Variants in EPB41L5 observed in about 807,000 individuals in gnomAD.
EPB41L5 encodes the protein erythrocyte membrane protein band 4.1 like 5.
A neutral mutation model predicts 106.6 loss-of-function variants in EPB41L5; 55 were observed. The ratio of observed to expected loss-of-function variants is 0.52; its 90% confidence interval spans 0.42 to 0.65. The LOEUF is 0.65. EPB41L5 is among the 30% of genes least tolerant of loss of function. EPB41L5 has a pLI of 0.00. For missense variants in EPB41L5, 871 were observed against 882.1 expected (o/e 0.99, Z 0.16); for synonymous variants, 297 against 306.7 (o/e 0.97, Z 0.33).
chr2:120,137,442 A>G (rs992496210), intron 18 of EPB41L5, among the ~76,000 whole-genome samples: 4 of 152,050 alleles, frequency 2.6e-5, no homozygotes, highest in African/African-American at 9.7e-5. Context: ...GTGAAAAGAT[A>G]AACAAAATGG....
chr2:120,092,566 A>G (rs918823986), intron 13 of EPB41L5, among the ~76,000 whole-genome samples: 5 of 152,224 alleles, frequency 3.3e-5, no homozygotes, highest in Non-Finnish European at 7.3e-5. Flanking sequence ...ATGAATTTGC[A>G]TTAAAATGCA....
intron 3 of EPB41L5, among the ~76,000 whole-genome samples, chr2:120,058,582 G>A (rs1680818189): frequency 6.6e-6 from 1 of 152,164 alleles, no homozygotes; most frequent in Non-Finnish European, 1.5e-5. Flanking sequence ...GATTGGTGGA[G>A]GGGATGTGGT....
At chr2:120,045,744 T>A (rs890696164) in intron 3 of EPB41L5, among the ~76,000 whole-genome samples, 3 of 152,186 alleles carry the variant, frequency 2.0e-5, no homozygotes, top group Non-Finnish European at 4.4e-5. Context: ...TGTATACATG[T>A]GACATTGGTA....
At chr2:120,106,972 G>A (rs565108940) in intron 16 of EPB41L5, 100 of 866,138 alleles carry the variant, frequency 1.2e-4, no homozygotes, top group Admixed American at 1.9e-4. Flanking sequence ...CACTAATATT[G>A]TAATACCAGT....
At chr2:120,031,435 T>C (rs550590376) in intron 2 of EPB41L5, among the ~76,000 whole-genome samples, 20 of 152,170 alleles carry the variant, frequency 1.3e-4, no homozygotes, top group South Asian at 6.2e-4. Flanking sequence ...TGAAATAAAT[T>C]TGTTAGGTGG....
chr2:120,162,757 A>G (rs1031146369), intron 21 of EPB41L5, among the ~76,000 whole-genome samples: 1 of 152,250 alleles, frequency 6.6e-6, no homozygotes, highest in African/African-American at 2.4e-5. Flanking sequence ...GCTTAACTGC[A>G]TATAGTCTAG....
In EPB41L5 at chr2:120,039,546, C is replaced by T. The variant is rs1056193323; in HGVS notation, c.181-2460C>T. Among the ~76,000 whole-genome samples, 4 of 152,056 alleles carry T rather than the reference C, an allele frequency of 2.6e-5. No homozygotes were observed. The East Asian group carries it at 5.8e-4, about 22-fold the overall frequency. ...TTAGGCATTGAAAGTAATTTTGTGG[C>T]CAGGCGTGGTGGCTCACACCTGTAA... On this transcript the variant is annotated intron_variant, in intron 2 of 24. Coordinates refer to ENST00000263713, the MANE Select transcript of EPB41L5 (RefSeq NM_020909.4).
At chr2:120,092,495 C>G (rs1385351873) in intron 13 of EPB41L5, among the ~76,000 whole-genome samples, 2 of 152,122 alleles carry the variant, frequency 1.3e-5, no homozygotes, top group Non-Finnish European at 2.9e-5. Flanking sequence ...AGAAAAAGCA[C>G]TATTTACCTT....
intron 16 of EPB41L5, chr2:120,106,201 T>C: frequency 4.1e-6 from 4 of 985,388 alleles, no homozygotes; most frequent in Non-Finnish European, 4.8e-6. Flanking sequence ...ATTTGCGAAT[T>C]CCTGATGAGA....
intron 2 of EPB41L5, among the ~76,000 whole-genome samples, chr2:120,037,242 G>T (rs1679094037): frequency 6.6e-6 from 1 of 152,146 alleles, no homozygotes; most frequent in Non-Finnish European, 1.5e-5. Context: ...ATAAAACACT[G>T]CTGAGAGGAA....
chr2:120,168,942 A>G (rs549978578), intron 24 of EPB41L5, among the ~76,000 whole-genome samples: 2 of 152,352 alleles, frequency 1.3e-5, no homozygotes, highest in African/African-American at 4.8e-5. Flanking sequence ...AAGCATTTGT[A>G]TGCCTAATAA....
intron 3 of EPB41L5, among the ~76,000 whole-genome samples, chr2:120,044,859 A>G (rs1385635000): frequency 1.3e-5 from 2 of 152,080 alleles, no homozygotes; most frequent in Admixed American, 1.3e-4. Flanking sequence ...ACTTCATTTT[A>G]TTTTTGCTTC....
intron 22 of EPB41L5, among the ~76,000 whole-genome samples, chr2:120,165,453 T>A (rs1687351339): frequency 6.6e-6 from 1 of 152,210 alleles, no homozygotes; most frequent in South Asian, 2.1e-4. Flanking sequence ...TTACCTCTAA[T>A]ATCTAATGCA....
At chr2:120,103,479 A>C (rs1684268134) in intron 16 of EPB41L5, among the ~76,000 whole-genome samples, 1 of 152,196 alleles carries the variant, frequency 6.6e-6, no homozygotes, top group Non-Finnish European at 1.5e-5. Context: ...ATAAGGAGCG[A>C]TGATTCTCTA....
intron 3 of EPB41L5, among the ~76,000 whole-genome samples, chr2:120,060,416 ATAC>A (rs1680952842): frequency 6.6e-6 from 1 of 152,202 alleles, no homozygotes. Flanking sequence ...ATACCATGTA[ATAC>A]TACTCAGCAA....
chr2:120,113,289 C>T (rs571309293), intron 16 of EPB41L5, among the ~76,000 whole-genome samples: 13 of 152,252 alleles, frequency 8.5e-5, no homozygotes, highest in African/African-American at 3.1e-4. Context: ...AACAGGCTTT[C>T]AGAAAATGGG....
chr2:120,017,888 C>T (rs1202568162), intron 1 of EPB41L5, among the ~76,000 whole-genome samples: 1 of 152,150 alleles, frequency 6.6e-6, no homozygotes, highest in East Asian at 1.9e-4. Flanking sequence ...GCTCCGCCTC[C>T]CGGGTTCACG....
chr2:120,080,708 G>A (rs1163292010), intron 10 of EPB41L5, among the ~76,000 whole-genome samples: 1 of 152,144 alleles, frequency 6.6e-6, no homozygotes, highest in African/African-American at 2.4e-5. Context: ...GGTTGCACTA[G>A]TTTACAGTCC....
Position 120,106,511 on chromosome 2 carries a change from A to G in EPB41L5, c.1337+5697A>G, listed in dbSNP as rs1684461951. On this transcript the variant is annotated intron_variant, in intron 16 of 24. Coordinates refer to ENST00000263713, the MANE Select transcript of EPB41L5 (RefSeq NM_020909.4). ...TATGCCTAAAGAGTCAGTGATGATAAATTCGGAATTAGAGAAGTAATAACC... is the reference window on the plus strand; with the variant it reads ...TATGCCTAAAGAGTCAGTGATGATAGATTCGGAATTAGAGAAGTAATAACC... 3.0e-6 allele frequency: 3 copies of G among 985,260 alleles called. No individual in the cohort carries two copies. The African/African-American group carries it at 5.2e-5, about 17-fold the overall frequency. The allele number at this position is 985,260 out of a possible 1,614,324, so 61.0% of individuals were successfully genotyped here.
Sources: gnomAD v4.1 joint callset for allele counts (sites outside exome capture counted in the v4.1 genomes callset) on GRCh38, gnomAD v4.1.1 for gene constraint, MANE v1.5 for transcripts, NCBI Gene and HGNC (gene_info 2026-07-23, HGNC 2026-07-21) for gene names.